KATNBL1: variants seen among roughly 807,000 people sequenced by gnomAD.
KATNBL1 encodes the protein KATNB1-like protein 1.
In KATNBL1, 28 loss-of-function variants were observed where a neutral mutation model predicts 44.7. The ratio of observed to expected loss-of-function variants is 0.63; its 90% CI spans 0.46 to 0.86. The LOEUF (loss-of-function observed/expected upper bound fraction) is 0.86, where lower values mean the gene tolerates loss of function less well. Ranked by LOEUF, KATNBL1 falls within the 40% of genes least tolerant of loss-of-function variation. The probability of loss-of-function intolerance (pLI) is 0.00; values close to 1 mark genes in which losing one functional copy is unlikely to be tolerated. For missense variants in KATNBL1, 272 were observed against 350.7 expected, an observed-to-expected ratio of 0.78 and a Z score of 1.79; for synonymous variants, 78 against 114.9, an observed-to-expected ratio of 0.68 and a Z score of 2.06.
At chr15:34,196,296 T>G (rs936784243) in intron 1 of KATNBL1, among the ~76,000 whole-genome samples, 1 of 152,040 alleles carries the variant, frequency 6.6e-6, no homozygotes, top group African/African-American at 2.4e-5. Context: ...CGCCTGCCTG[T>G]AATCCCAGCT....
At position 34,141,067 on chromosome 15, in the gene KATNBL1, A is replaced by G. The variant is rs1888138732; in HGVS notation, c.*1272T>C. On this transcript the variant is annotated 3_prime_UTR_variant, in exon 10 of 10. Coordinates refer to ENST00000256544, the MANE Select transcript of KATNBL1 (RefSeq NM_024713.3). ...AAAAACCTTTGCTCAGATGCCTGTCAGGCATATTAAGGATGGGATGATGTG... is the reference window on the plus strand; with the variant it reads ...AAAAACCTTTGCTCAGATGCCTGTCGGGCATATTAAGGATGGGATGATGTG... The G allele has an allele frequency of 1.3e-5, 2 of 152,224 alleles. No homozygotes were observed. The highest frequency in any genetic ancestry group is 4.1e-4 in the South Asian group (2 of 4,836). 9.4% of individuals were successfully genotyped at this position (152,224 alleles called of 1,614,324 possible). A position where few individuals can be genotyped will look rare whatever the true frequency, so the allele number is the denominator to read the frequency against.
intron 1 of KATNBL1, among the ~76,000 whole-genome samples, chr15:34,206,118 C>T (rs1001142334): frequency 2.0e-5 from 3 of 152,164 alleles, no homozygotes; most frequent in Non-Finnish European, 2.9e-5. Flanking sequence ...ACAGGCTTAG[C>T]GTTGCGACTT....
At chr15:34,209,310 G>A (rs1427622512) in intron 1 of KATNBL1, 1 of 151,910 alleles carries the variant, frequency 6.6e-6, no homozygotes, top group African/African-American at 2.4e-5. Context: ...ACTGACATAG[G>A]TATCTCTGTT....
At chr15:34,175,346 A>G (rs1889297564) in intron 1 of KATNBL1, among the ~76,000 whole-genome samples, 1 of 152,198 alleles carries the variant, frequency 6.6e-6, no homozygotes, top group African/African-American at 2.4e-5. Context: ...TTGAGTGCTC[A>G]AAAAATTTCA....
intron 1 of KATNBL1, among the ~76,000 whole-genome samples, chr15:34,192,561 A>G (rs1256693267): frequency 6.6e-6 from 1 of 152,190 alleles, no homozygotes; most frequent in Non-Finnish European, 1.5e-5. Flanking sequence ...TTTTAGGCCT[A>G]GAGGGTGGTG....
At chr15:34,159,246 C>A (rs1202418916) in intron 2 of KATNBL1, among the ~76,000 whole-genome samples, 1 of 152,144 alleles carries the variant, frequency 6.6e-6, no homozygotes. Flanking sequence ...GACAAAAAGG[C>A]TATGGGCTGC....
intron 1 of KATNBL1, among the ~76,000 whole-genome samples, chr15:34,207,979 A>G (rs1890338236): frequency 6.6e-6 from 1 of 152,212 alleles, no homozygotes; most frequent in African/African-American, 2.4e-5. Flanking sequence ...TCAGTTCTGC[A>G]TTCATCCACT....
chr15:34,186,608 C>T (rs917255938), intron 1 of KATNBL1, among the ~76,000 whole-genome samples: 2 of 152,220 alleles, frequency 1.3e-5, no homozygotes, highest in African/African-American at 4.8e-5. Flanking sequence ...CTGTGGCTGC[C>T]CTCCCAGGCA....
At chr15:34,143,549 T>C (rs1273158714) in intron 9 of KATNBL1, among the ~76,000 whole-genome samples, 1 of 151,836 alleles carries the variant, frequency 6.6e-6, no homozygotes, top group African/African-American at 2.4e-5. Flanking sequence ...CTATACAGAA[T>C]GCAACAACCC....
At position 34,203,199 on chromosome 15, in the gene KATNBL1, C is replaced by A. The variant is rs150032955; in HGVS notation, c.-15+6752G>T. Among the ~76,000 whole-genome samples the A allele has an allele frequency of 6.8e-4, 104 of 152,110 alleles. No individual in the cohort carries two copies. The East Asian group carries it at 8.1e-3, about 12-fold the overall frequency. On this transcript the variant is annotated intron_variant, in intron 1 of 9. Coordinates refer to ENST00000256544, the MANE Select transcript of KATNBL1 (RefSeq NM_024713.3). ...TCCCTAACTCAGTAAACGGAACCAT[C>A]CTCCTTCCAATTTCTCAAGCCTGAA... is the stretch of plus-strand genomic sequence containing the variant.
intron 2 of KATNBL1, among the ~76,000 whole-genome samples, chr15:34,161,461 C>T (rs970269238): frequency 2.0e-5 from 3 of 152,188 alleles, no homozygotes; most frequent in African/African-American, 7.2e-5. Flanking sequence ...AACAAATGCT[C>T]AATGCCGCAA....
At chr15:34,206,469 G>T (rs937908781) in intron 1 of KATNBL1, among the ~76,000 whole-genome samples, 4 of 152,158 alleles carry the variant, frequency 2.6e-5, no homozygotes, top group African/African-American at 9.7e-5. Context: ...GCAAGAAATA[G>T]TAAACACAGC....
Position 34,154,694 on chromosome 15 carries a change from G to A in KATNBL1, c.118-10C>T, listed in dbSNP as rs147220991. ...TTGGAGATTTCTTAACCTGAAAAAT[G>A]AAAGTAGATAGTTGATGTTAGAAAC... On this transcript the variant is annotated splice_polypyrimidine_tract_variant and intron_variant, in intron 2 of 9. Coordinates refer to ENST00000256544, the MANE Select transcript of KATNBL1 (RefSeq NM_024713.3). The A allele has an allele frequency of 5.7e-3, 8,751 of 1,548,390 alleles. 42 individuals are homozygous for A. The highest frequency in any genetic ancestry group is 6.6e-3 in the Non-Finnish European group (7,413 of 1,120,728).
chr15:34,189,131 A>C (rs183743709), intron 1 of KATNBL1, among the ~76,000 whole-genome samples: 1 of 152,214 alleles, frequency 6.6e-6, no homozygotes, highest in Non-Finnish European at 1.5e-5. Context: ...CCCGGGTTCA[A>C]GTGATTTTCC....
At chr15:34,193,080 A>G (rs1482349395) in intron 1 of KATNBL1, among the ~76,000 whole-genome samples, 3 of 151,488 alleles carry the variant, frequency 2.0e-5, no homozygotes, top group East Asian at 1.9e-4. Context: ...AGCCGGGCGT[A>G]GTGGCGGGCG....
At chr15:34,175,797 G>A (rs966946072) in intron 1 of KATNBL1, among the ~76,000 whole-genome samples, 1 of 152,210 alleles carries the variant, frequency 6.6e-6, no homozygotes, top group East Asian at 1.9e-4. Context: ...CCCGGGAGGC[G>A]GAGGTTGCAG....
At chr15:34,167,454 G>T (rs891496179) in intron 1 of KATNBL1, among the ~76,000 whole-genome samples, 1 of 141,702 alleles carries the variant, frequency 7.1e-6, no homozygotes, top group Non-Finnish European at 1.5e-5. Context: ...TATGTGAAAA[G>T]ACCAAATCTA....
intron 1 of KATNBL1, among the ~76,000 whole-genome samples, chr15:34,174,833 G>A (rs959065844): frequency 1.3e-5 from 2 of 151,994 alleles, no homozygotes; most frequent in Non-Finnish European, 2.9e-5. Context: ...GTCGAGATGG[G>A]GTTTCGCCAC....
chr15:34,202,033 T>C, intron 1 of KATNBL1, among the ~76,000 whole-genome samples: 1 of 152,196 alleles, frequency 6.6e-6, no homozygotes, highest in East Asian at 1.9e-4. Context: ...ATATCAGGGA[T>C]TTGAGCATCC....
Sources: allele counts gnomAD v4.1 joint callset (sites outside exome capture counted in the v4.1 genomes callset), GRCh38; gene constraint gnomAD v4.1.1; transcripts MANE v1.5; gene names NCBI Gene and HGNC (gene_info 2026-07-23, HGNC 2026-07-21).